CNTN3: variants seen among roughly 807,000 people sequenced by gnomAD.
CNTN3 encodes the protein contactin 3, also known as contactin-3.
Under a neutral mutation model 119.1 loss-of-function variants are expected in CNTN3, and 60 were observed. The observed-to-expected ratio is 0.50, with a 90% CI of 0.41 to 0.62. The LOEUF is 0.62. CNTN3 is among the 20% of genes least tolerant of loss of function. The pLI is 0.00. For synonymous variants in CNTN3, 450 were observed against 438.7 expected, an observed-to-expected ratio of 1.03 and a Z score of -0.32; for missense variants, 1,101 against 1,242.4, an observed-to-expected ratio of 0.89 and a Z score of 1.71.
intron 4 of CNTN3, among the ~76,000 whole-genome samples, chr3:74,458,218 T>C (rs139998120): frequency 2.1e-4 from 32 of 152,098 alleles, no homozygotes; most frequent in South Asian, 1.0e-3. Flanking sequence ...GAATTACCAA[T>C]TGAAAATCAA....
intron 4 of CNTN3, among the ~76,000 whole-genome samples, chr3:74,429,166 T>G (rs1701743833): frequency 1.4e-5 from 2 of 148,014 alleles, no homozygotes; most frequent in South Asian, 4.3e-4. Context: ...GGGTTTGTTC[T>G]TTTTTTTTTG....
intron 5 of CNTN3, among the ~76,000 whole-genome samples, chr3:74,395,825 T>A (rs1705035422): frequency 6.6e-6 from 1 of 152,218 alleles, no homozygotes; most frequent in East Asian, 1.9e-4. Context: ...ATTGGCACCA[T>A]TTTCCCTACA....
At chr3:74,396,503 T>C (rs984282602) in intron 5 of CNTN3, among the ~76,000 whole-genome samples, 1 of 152,028 alleles carries the variant, frequency 6.6e-6, no homozygotes, top group African/African-American at 2.4e-5. Context: ...ACCCAGTACT[T>C]TGGGAGGCCG....
chr3:74,352,585 G>A (rs1703842534), intron 11 of CNTN3, among the ~76,000 whole-genome samples: 1 of 152,156 alleles, frequency 6.6e-6, no homozygotes, highest in Non-Finnish European at 1.5e-5. Context: ...CAGACTGTGG[G>A]CTTTTTGACG....
At chr3:74,411,215 T>TAAA (rs11368414) in intron 5 of CNTN3, among the ~76,000 whole-genome samples, 6 of 151,252 alleles carry the variant, frequency 4.0e-5, no homozygotes, top group African/African-American at 1.5e-4. Flanking sequence ...TTAAAATAGG[T>TAAA]AAAAAAAAAG....
intron 1 of CNTN3, among the ~76,000 whole-genome samples, chr3:74,604,413 CTGTAAGAGGTT>C (rs1169975458): frequency 1.3e-5 from 2 of 152,102 alleles, no homozygotes; most frequent in Non-Finnish European, 2.9e-5. Flanking sequence ...AACCACACAT[CTGTAAGAGGTT>C]AATATTCAGA....
At chr3:74,293,798 A>G (rs923552424) in intron 19 of CNTN3, among the ~76,000 whole-genome samples, 2 of 152,144 alleles carry the variant, frequency 1.3e-5, no homozygotes, top group Admixed American at 1.3e-4. Flanking sequence ...TGCAGGTTCC[A>G]TGGGCCCTTG....
chr3:74,326,861 C>T (rs1332450094), intron 13 of CNTN3, among the ~76,000 whole-genome samples: 1 of 151,986 alleles, frequency 6.6e-6, no homozygotes, highest in East Asian at 1.9e-4. Flanking sequence ...TGTAGCCTCA[C>T]CTTGTTGATG....
chr3:74,602,076 G>C (rs985637843), intron 1 of CNTN3, among the ~76,000 whole-genome samples: 14 of 151,802 alleles, frequency 9.2e-5, no homozygotes, highest in Admixed American at 2.0e-4. Context: ...TGGGAGGCTT[G>C]AGACAGGAGG....
intron 1 of CNTN3, among the ~76,000 whole-genome samples, chr3:74,610,635 G>A (rs1306250031): frequency 6.6e-6 from 1 of 151,922 alleles, no homozygotes; most frequent in Admixed American, 6.6e-5. Context: ...GAGTAGATGA[G>A]TACTAATTTA....
chr3:74,359,115 T>C (rs145670980), intron 11 of CNTN3, among the ~76,000 whole-genome samples: 5 of 152,082 alleles, frequency 3.3e-5, no homozygotes, highest in Middle Eastern at 3.4e-3. Flanking sequence ...GGTTCATGAG[T>C]TGAGAGTGGT....
chr3:74,432,058 G>A (rs980580735), intron 4 of CNTN3, among the ~76,000 whole-genome samples: 17 of 128,310 alleles, frequency 1.3e-4, no homozygotes, highest in African/African-American at 4.0e-4. Context: ...TATCTTAAAC[G>A]TCTTTAATGT....
At chr3:74,608,593 G>T (rs1453951804) in intron 1 of CNTN3, among the ~76,000 whole-genome samples, 2 of 152,110 alleles carry the variant, frequency 1.3e-5, no homozygotes, top group African/African-American at 4.8e-5. Flanking sequence ...ATATCAAGAT[G>T]TTCATCTGTT....
chr3:74,267,555 TAGAA>T, intron 20 of CNTN3, 177 bp from the exon 21 acceptor site: 1 of 503,392 alleles, frequency 2.0e-6, no homozygotes, highest in Non-Finnish European at 3.6e-6. Flanking sequence ...TTCCTTTTTT[TAGAA>T]AGGCATTTCA....
chr3:74,606,299 TC>T (rs1264268950), intron 1 of CNTN3, among the ~76,000 whole-genome samples: 1 of 152,034 alleles, frequency 6.6e-6, no homozygotes. Flanking sequence ...CTAAAATGCC[TC>T]CCCATCATTT....
intron 13 of CNTN3, among the ~76,000 whole-genome samples, chr3:74,314,032 C>G (rs1480429595): frequency 1.3e-5 from 2 of 152,156 alleles, no homozygotes; most frequent in African/African-American, 4.8e-5. Context: ...CAACTCCAAC[C>G]CCATTCATGA....
At chr3:74,578,985 C>G (rs1293844553) in intron 1 of CNTN3, among the ~76,000 whole-genome samples, 1 of 151,612 alleles carries the variant, frequency 6.6e-6, no homozygotes, top group Admixed American at 6.6e-5. Flanking sequence ...AGGGTGAAAA[C>G]AAAGAAGCAA....
chr3:74,348,510 A>G (rs1703744531), intron 11 of CNTN3, among the ~76,000 whole-genome samples: 1 of 152,118 alleles, frequency 6.6e-6, no homozygotes, highest in South Asian at 2.1e-4. Flanking sequence ...TAATGCCTTT[A>G]GCTGCCCTAG....
intron 21 of CNTN3, among the ~76,000 whole-genome samples, 162 bp from the exon 22 acceptor site, chr3:74,266,811 C>G (rs1701670016): frequency 1.3e-5 from 2 of 152,090 alleles, no homozygotes; most frequent in Admixed American, 1.3e-4. Context: ...GAGGTTAGCA[C>G]ATGGCAGAAT....
Sources: gnomAD v4.1 joint callset for allele counts (sites outside exome capture counted in the v4.1 genomes callset) on GRCh38, gnomAD v4.1.1 for gene constraint, MANE v1.5 for transcripts, NCBI Gene and HGNC (gene_info 2026-07-23, HGNC 2026-07-21) for gene names.